Variants in RPSA2 observed in about 807,000 individuals in gnomAD.
RPSA2 encodes the protein ribosomal protein SA 2.
chr19:23,826,570 G>A, the RPSA2 span, among the ~76,000 whole-genome samples: 1 of 152,096 alleles, frequency 6.6e-6, no homozygotes, highest in Non-Finnish European at 1.5e-5. Flanking sequence ...CTTCATGTAT[G>A]TCATAAAATC....
chr19:23,857,716 C>G, the RPSA2 span, among the ~76,000 whole-genome samples: 4 of 151,888 alleles, frequency 2.6e-5, no homozygotes, highest in South Asian at 4.2e-4. Context: ...AGGCTGGTCT[C>G]GAACTGCTGA....
chr19:23,845,229 C>T, the RPSA2 span, among the ~76,000 whole-genome samples: 2 of 136,616 alleles, frequency 1.5e-5, no homozygotes, highest in Non-Finnish European at 1.5e-5. Flanking sequence ...ATTGGTCATT[C>T]TTATAGTTTT....
chr19:23,773,108 T>TC, the RPSA2 span, among the ~76,000 whole-genome samples: 1 of 54,248 alleles, frequency 1.8e-5, no homozygotes, highest in Non-Finnish European at 3.7e-5. Flanking sequence ...TATATATATT[T>TC]TTATTTTGGA....
At chr19:23,790,634 C>T in the RPSA2 span, 3 of 291,166 alleles carry the variant, frequency 1.0e-5, no homozygotes, top group South Asian at 4.6e-5. Context: ...GACTGTGTCT[C>T]TAGCTGCAGA....
the RPSA2 span, chr19:23,799,390 A>G: frequency 6.6e-6 from 1 of 152,194 alleles, no homozygotes; most frequent in Non-Finnish European, 1.5e-5. Flanking sequence ...CCATGTCACC[A>G]TTATAAATAG....
the RPSA2 span, among the ~76,000 whole-genome samples, chr19:23,851,115 C>A: frequency 6.6e-6 from 1 of 152,108 alleles, no homozygotes; most frequent in South Asian, 2.1e-4. Flanking sequence ...GGCAAGTAGC[C>A]CAAATAAAGC....
At chr19:23,829,372 G>T in the RPSA2 span, among the ~76,000 whole-genome samples, 5 of 152,054 alleles carry the variant, frequency 3.3e-5, no homozygotes, top group Non-Finnish European at 7.4e-5. Context: ...ATTGATCTTG[G>T]CTCACCGCAA....
chr19:23,827,244 C>T, the RPSA2 span: 7 of 771,120 alleles, frequency 9.1e-6, no homozygotes, highest in East Asian at 1.8e-4. Flanking sequence ...TTAGGTGGCA[C>T]CAATCTTGAC....
At chr19:23,761,923 T>TCTTTCTTTC in the RPSA2 span, among the ~76,000 whole-genome samples, 28 of 63,552 alleles carry the variant, frequency 4.4e-4, no homozygotes, top group East Asian at 3.6e-3. Flanking sequence ...TTTCTTTCTT[T>TCTTTCTTTC]TTTTTTTTTT....
chr19:23,866,752 C>A, the RPSA2 span, among the ~76,000 whole-genome samples: 1 of 152,072 alleles, frequency 6.6e-6, no homozygotes, highest in East Asian at 1.9e-4. Flanking sequence ...CCCAGGAACA[C>A]CAGGAAGTGC....
chr19:23,764,752 A>G, the RPSA2 span, among the ~76,000 whole-genome samples: 1 of 151,762 alleles, frequency 6.6e-6, no homozygotes, highest in South Asian at 2.1e-4. Flanking sequence ...GTCTGTAAAC[A>G]TTTTATGTGA....
At chr19:23,833,227 TG>T in the RPSA2 span, 1 of 1,078,250 alleles carries the variant, frequency 9.3e-7, no homozygotes, top group Non-Finnish European at 1.1e-6. Context: ...ACCCTACAAA[TG>T]GGAAAAATTT....
At chr19:23,857,801 T>A in the RPSA2 span, among the ~76,000 whole-genome samples, 3 of 152,086 alleles carry the variant, frequency 2.0e-5, no homozygotes, top group African/African-American at 7.2e-5. Context: ...GGCCCTTTTT[T>A]AAAGTCTTAT....
chr19:23,789,023 C>CTTTTTTTTT, the RPSA2 span, among the ~76,000 whole-genome samples: 17 of 129,418 alleles, frequency 1.3e-4, no homozygotes, highest in South Asian at 2.6e-4. Context: ...TTCTTTCTTT[C>CTTTTTTTTT]TTTTTTTTTT....
At chr19:23,827,384 A>G in the RPSA2 span, 51 of 1,491,882 alleles carry the variant, frequency 3.4e-5, no homozygotes, top group Admixed American at 8.5e-4. Flanking sequence ...TGCTGATGTC[A>G]GTGTTATATC....
the RPSA2 span, among the ~76,000 whole-genome samples, chr19:23,817,388 AAAAT>A: frequency 6.6e-6 from 1 of 152,224 alleles, no homozygotes; most frequent in Admixed American, 6.5e-5. Flanking sequence ...ATCTCAAAAT[AAAAT>A]AAATAAATAT....
chr19:23,781,352 T>C, the RPSA2 span, among the ~76,000 whole-genome samples: 1 of 152,092 alleles, frequency 6.6e-6, no homozygotes. Flanking sequence ...TATTTATTTA[T>C]TTTGAGATGG....
the RPSA2 span, chr19:23,832,676 C>T: frequency 6.7e-7 from 1 of 1,484,782 alleles, no homozygotes; most frequent in Non-Finnish European, 9.1e-7. Context: ...TGGTTCATTA[C>T]CCTAACTGGT....
chr19:23,761,901 A>ATCCTTCCTTCCTTCCCTCC, the RPSA2 span, among the ~76,000 whole-genome samples: 1 of 34,016 alleles, frequency 2.9e-5, no homozygotes, highest in Non-Finnish European at 6.7e-5. Context: ...GGGTAACGTA[A>ATCCTTCCTTCCTTCCCTCC]TTCTTTCTTT....
Sources: allele counts gnomAD v4.1 joint callset (sites outside exome capture counted in the v4.1 genomes callset), GRCh38; gene constraint gnomAD v4.1.1; transcripts MANE v1.5; gene names NCBI Gene and HGNC (gene_info 2026-07-23, HGNC 2026-07-21).